The following ERICH5 variants were observed in gnomAD, a reference collection of about 807,000 sequenced individuals.
ERICH5 encodes the protein glutamate rich 5.
In ERICH5, 24 loss-of-function variants were observed where a neutral mutation model predicts 28.0. The ratio of observed to expected loss-of-function variants is 0.86; its 90% CI spans 0.62 to 1.21. The LOEUF (loss-of-function observed/expected upper bound fraction) is 1.21, where lower values mean the gene tolerates loss of function less well. Among genes scored for constraint, ERICH5 ranks in the 50% most tolerant of loss-of-function variants. The pLI, the probability that ERICH5 is intolerant of heterozygous loss-of-function variation, is 0.00. For missense variants in ERICH5, 421 were observed against 441.2 expected (o/e 0.95, Z 0.41); for synonymous variants, 163 against 157.6 (o/e 1.03, Z -0.25).
intron 1 of ERICH5, among the ~76,000 whole-genome samples, chr8:98,073,460 GTATATATATATATATATATATATATGTA>G (rs1814970139): frequency 3.5e-4 from 5 of 14,366 alleles, no homozygotes; most frequent in African/African-American, 4.8e-4. Context: ...ATATATATAT[GTATATATATATATATATATATATATGTA>G]TATATATATA....
intron 1 of ERICH5, among the ~76,000 whole-genome samples, chr8:98,074,523 C>T (rs1215945913): frequency 2.6e-5 from 4 of 151,480 alleles, no homozygotes; most frequent in African/African-American, 9.7e-5. Context: ...CTCTGCCTCC[C>T]GAGTAGCTGA....
intron 1 of ERICH5, among the ~76,000 whole-genome samples, chr8:98,065,626 C>T (rs542565763): frequency 1.3e-5 from 2 of 152,152 alleles, no homozygotes; most frequent in Non-Finnish European, 2.9e-5. Context: ...AAAGTATAAA[C>T]GCAGTTACAT....
chr8:98,079,773 C>T (rs1025428784), intron 1 of ERICH5, among the ~76,000 whole-genome samples: 3 of 152,136 alleles, frequency 2.0e-5, no homozygotes, highest in Non-Finnish European at 2.9e-5. Context: ...CTCCTGACCT[C>T]GGGTGATCCA....
At position 98,066,686 on chromosome 8, in the gene ERICH5, C is replaced by G. The variant is rs188821410; in HGVS notation, c.58+1959C>G. Among the ~76,000 whole-genome samples, 30 of 152,272 alleles carry G rather than the reference C, an allele frequency of 2.0e-4. No individual in the cohort carries two copies. The East Asian group carries it at 5.4e-3, about 27-fold the overall frequency. ...CTTAGAAAATTAACCTAATATGCGG[C>G]GTAAATTGCTCAACACACACGTTGA... On this transcript the variant is annotated intron_variant, in intron 1 of 2. Transcript: ENST00000318528.
At chr8:98,083,536 A>G (rs1268282633) in intron 1 of ERICH5, among the ~76,000 whole-genome samples, 3 of 152,028 alleles carry the variant, frequency 2.0e-5, no homozygotes, top group Admixed American at 6.5e-5. Flanking sequence ...TTCCAGCTCT[A>G]TTCCCTCTCT....
At chr8:98,071,946 C>A (rs1223929482) in intron 1 of ERICH5, among the ~76,000 whole-genome samples, 1 of 149,900 alleles carries the variant, frequency 6.7e-6, no homozygotes, top group African/African-American at 2.5e-5. Context: ...CTGGTTCTCA[C>A]TATGCTGCCC....
At chr8:98,073,155 GTTA>G (rs937443263) in intron 1 of ERICH5, among the ~76,000 whole-genome samples, 1 of 151,930 alleles carries the variant, frequency 6.6e-6, no homozygotes, top group African/African-American at 2.4e-5. Flanking sequence ...TTCAGGATCA[GTTA>G]TTAGTTGTGT....
At chr8:98,070,242 G>A (rs191145738) in intron 1 of ERICH5, among the ~76,000 whole-genome samples, 114 of 152,290 alleles carry the variant, frequency 7.5e-4, no homozygotes, top group African/African-American at 2.4e-3. Context: ...TATGCAATCA[G>A]CTGAGTGTGG....
At chr8:98,087,378 A>G (rs1435983905) in intron 1 of ERICH5, among the ~76,000 whole-genome samples, 1 of 152,138 alleles carries the variant, frequency 6.6e-6, no homozygotes, top group Non-Finnish European at 1.5e-5. Flanking sequence ...TTTAGCTTAC[A>G]CTAGATAAGC....
At chr8:98,088,087 T>A (rs1036680428) in intron 1 of ERICH5, among the ~76,000 whole-genome samples, 1 of 149,610 alleles carries the variant, frequency 6.7e-6, no homozygotes, top group Non-Finnish European at 1.5e-5. Context: ...AATAAAAAAA[T>A]GGAAGAATAT....
intron 1 of ERICH5, among the ~76,000 whole-genome samples, chr8:98,071,317 A>G (rs1395787857): frequency 6.6e-6 from 1 of 152,158 alleles, no homozygotes. Context: ...AGGTGGCCCC[A>G]CAACCAGCTC....
intron 1 of ERICH5, among the ~76,000 whole-genome samples, chr8:98,073,269 A>G (rs964179919): frequency 6.6e-6 from 1 of 150,734 alleles, no homozygotes; most frequent in Non-Finnish European, 1.5e-5. Flanking sequence ...GTTAATACAT[A>G]TAATGCACTG....
At chr8:98,077,788 T>C (rs755307082) in intron 1 of ERICH5, among the ~76,000 whole-genome samples, 3 of 152,162 alleles carry the variant, frequency 2.0e-5, no homozygotes, top group Non-Finnish European at 4.4e-5. Context: ...CAGGCTCATC[T>C]CAAACTCCTG....
chr8:98,071,029 C>T (rs945110127), intron 1 of ERICH5, among the ~76,000 whole-genome samples: 7 of 151,928 alleles, frequency 4.6e-5, no homozygotes, highest in African/African-American at 7.3e-5. Context: ...TGTGGGAGGC[C>T]GAGGCAGGTG....
At chr8:98,070,783 G>T (rs1212867156) in intron 1 of ERICH5, among the ~76,000 whole-genome samples, 1 of 151,876 alleles carries the variant, frequency 6.6e-6, no homozygotes, top group Admixed American at 6.6e-5. Flanking sequence ...ACAGAGACGG[G>T]GATTCAGGGA....
chr8:98,068,120 G>A (rs1381443423), intron 1 of ERICH5, among the ~76,000 whole-genome samples: 1 of 152,030 alleles, frequency 6.6e-6, no homozygotes, highest in Non-Finnish European at 1.5e-5. Context: ...GCCTCCCAAA[G>A]TGCTGGGATT....
At chr8:98,078,348 C>G (rs986137631) in intron 1 of ERICH5, among the ~76,000 whole-genome samples, 1 of 152,172 alleles carries the variant, frequency 6.6e-6, no homozygotes, top group African/African-American at 2.4e-5. Flanking sequence ...GTGCTACATT[C>G]TTGGTTCCAA....
At chr8:98,077,449 A>G (rs551829232) in intron 1 of ERICH5, among the ~76,000 whole-genome samples, 33 of 152,186 alleles carry the variant, frequency 2.2e-4, no homozygotes, top group Non-Finnish European at 7.3e-5. Context: ...TTTTTCAGTG[A>G]TGAATGCTGT....
chr8:98,078,408 C>G (rs1020231664), intron 1 of ERICH5, among the ~76,000 whole-genome samples: 1 of 152,134 alleles, frequency 6.6e-6, no homozygotes, highest in Admixed American at 6.5e-5. Context: ...AGGAAAAACA[C>G]CAGGACCCCC....
Sources: allele counts gnomAD v4.1 joint callset (sites outside exome capture counted in the v4.1 genomes callset), GRCh38; gene constraint gnomAD v4.1.1; transcripts MANE v1.5; gene names NCBI Gene and HGNC (gene_info 2026-07-23, HGNC 2026-07-21).